FHIT: variants seen among roughly 807,000 people sequenced by gnomAD.
The protein encoded by FHIT is fragile histidine triad diadenosine triphosphatase.
In FHIT, 19 loss-of-function variants were observed where a neutral mutation model predicts 17.9. The observed-to-expected ratio is 1.06, with a 90% CI of 0.74 to 1.56. The LOEUF (loss-of-function observed/expected upper bound fraction) is 1.56. Ranked by LOEUF, FHIT falls within the 40% of genes most tolerant of loss-of-function variation. The probability of loss-of-function intolerance (pLI) is 0.00; values close to 1 mark genes in which losing one functional copy is unlikely to be tolerated. For missense variants in FHIT, 248 were observed against 189.2 expected (o/e 1.31, Z -1.82); for synonymous variants, 81 against 69.7 (o/e 1.16, Z -0.81).
chr3:60,799,365 G>A (rs1256756465), intron 4 of FHIT, among the ~76,000 whole-genome samples: 1 of 152,108 alleles, frequency 6.6e-6, no homozygotes, highest in Non-Finnish European at 1.5e-5. Flanking sequence ...GTAGAGACAG[G>A]GTTTCTCCAT....
intron 5 of FHIT, among the ~76,000 whole-genome samples, chr3:60,357,328 C>T (rs1699713599): frequency 6.6e-6 from 1 of 152,128 alleles, no homozygotes; most frequent in Non-Finnish European, 1.5e-5. Context: ...ATTCTCCTGC[C>T]TCGGCCTCTT....
chr3:60,923,216 CA>C (rs1707378046), intron 3 of FHIT, among the ~76,000 whole-genome samples: 1 of 152,198 alleles, frequency 6.6e-6, no homozygotes, highest in Admixed American at 6.5e-5. Context: ...AGTTTCTCCA[CA>C]AACGTTTAGG....
At chr3:60,419,776 T>G (rs1434105883) in intron 5 of FHIT, among the ~76,000 whole-genome samples, 1 of 152,210 alleles carries the variant, frequency 6.6e-6, no homozygotes. Context: ...TGCTATTTAC[T>G]AGCTGGAATC....
At chr3:61,069,214 G>A (rs2034717361) in intron 2 of FHIT, among the ~76,000 whole-genome samples, 1 of 152,144 alleles carries the variant, frequency 6.6e-6, no homozygotes, top group African/African-American at 2.4e-5. Flanking sequence ...CACATATAAT[G>A]GAATTGGGCT....
At chr3:60,672,542 G>C (rs2040530467) in intron 4 of FHIT, among the ~76,000 whole-genome samples, 2 of 152,308 alleles carry the variant, frequency 1.3e-5, no homozygotes, top group South Asian at 2.1e-4. Flanking sequence ...GTTAAGGTGA[G>C]GCAGGGCATA....
chr3:59,968,273 C>T (rs1708020831), intron 7 of FHIT, among the ~76,000 whole-genome samples: 1 of 152,016 alleles, frequency 6.6e-6, no homozygotes, highest in Admixed American at 6.6e-5. Flanking sequence ...TGAAATCATA[C>T]AGTTTCGATA....
At chr3:60,943,431 T>C (rs575875708) in intron 3 of FHIT, among the ~76,000 whole-genome samples, 2 of 152,156 alleles carry the variant, frequency 1.3e-5, no homozygotes, top group Non-Finnish European at 2.9e-5. Flanking sequence ...CAGCTTTCAT[T>C]TGAATGATAT....
chr3:60,832,693 A>T (rs1201310886), intron 3 of FHIT, among the ~76,000 whole-genome samples: 1 of 152,098 alleles, frequency 6.6e-6, no homozygotes, highest in African/African-American at 2.4e-5. Context: ...TTCATAAAAA[A>T]AAAAAAAAGC....
chr3:61,068,496 T>A (rs1387843241), intron 2 of FHIT, among the ~76,000 whole-genome samples: 1 of 152,170 alleles, frequency 6.6e-6, no homozygotes, highest in Non-Finnish European at 1.5e-5. Context: ...CTGAAAAGGT[T>A]CTCTGATTTT....
intron 8 of FHIT, among the ~76,000 whole-genome samples, chr3:59,808,556 C>T (rs1035840147): frequency 2.6e-5 from 4 of 152,182 alleles, no homozygotes; most frequent in African/African-American, 9.6e-5. Flanking sequence ...CTCCCACCTC[C>T]GGGTCTGTTG....
intron 5 of FHIT, among the ~76,000 whole-genome samples, chr3:60,431,642 T>G (rs902620151): frequency 6.6e-6 from 1 of 152,122 alleles, no homozygotes; most frequent in Non-Finnish European, 1.5e-5. Flanking sequence ...CGGCTACACA[T>G]GCAGTAAATG....
At chr3:60,523,690 C>T (rs976759437) in intron 5 of FHIT, among the ~76,000 whole-genome samples, 1 of 152,192 alleles carries the variant, frequency 6.6e-6, no homozygotes, top group Non-Finnish European at 1.5e-5. Flanking sequence ...GACGAGTTAT[C>T]AAACCCTTCT....
At chr3:59,896,335 G>T (rs1704068877) in intron 8 of FHIT, among the ~76,000 whole-genome samples, 1 of 152,146 alleles carries the variant, frequency 6.6e-6, no homozygotes, top group Non-Finnish European at 1.5e-5. Flanking sequence ...AGAGAAAAAA[G>T]AACTCATCTA....
At chr3:60,122,630 T>A (rs4234290) in intron 5 of FHIT, among the ~76,000 whole-genome samples, 2 of 152,138 alleles carry the variant, frequency 1.3e-5, no homozygotes, top group Middle Eastern at 3.4e-3. Context: ...GAAGGACAGA[T>A]AGACACTCAG....
intron 4 of FHIT, among the ~76,000 whole-genome samples, chr3:60,783,166 A>C (rs1314327101): frequency 2.0e-5 from 3 of 151,326 alleles, no homozygotes; most frequent in Admixed American, 2.0e-4. Flanking sequence ...TTTTTTTTGT[A>C]GAAACAGTTT....
rs372009225 is a variant in FHIT, at chr3:60,700,354, C to T, written c.-18+121565G>A. 1.4e-4 allele frequency among the ~76,000 whole-genome samples: 21 copies of T among 152,258 alleles called. 1 individual carries two copies. Among genetic ancestry groups the T allele is most frequent in the South Asian group, 6.2e-4 (3 of 4,820 alleles). On this transcript the variant is annotated intron_variant, in intron 4 of 9. Coordinates refer to ENST00000492590, the MANE Select transcript of FHIT (RefSeq NM_002012.4). ...GTCATTCTTTGCTTTCTAATTCCAA[C>T]GGTCTCATATCGTTCCAATTAGTCA...
At chr3:60,338,853 A>G (rs1710372581) in intron 5 of FHIT, among the ~76,000 whole-genome samples, 1 of 152,172 alleles carries the variant, frequency 6.6e-6, no homozygotes, top group Non-Finnish European at 1.5e-5. Flanking sequence ...AGAATTAAAG[A>G]GAAAAGAGGC....
intron 7 of FHIT, 97 bp downstream of exon 7, chr3:60,011,274 A>G: frequency 8.7e-7 from 1 of 1,155,008 alleles, no homozygotes; most frequent in East Asian, 2.4e-5. Flanking sequence ...AAGATAACAT[A>G]ATGAAACAGC....
chr3:60,357,584 A>C (rs1699726976), intron 5 of FHIT, among the ~76,000 whole-genome samples: 2 of 152,092 alleles, frequency 1.3e-5, no homozygotes, highest in Non-Finnish European at 2.9e-5. Flanking sequence ...TTAAATGATG[A>C]TTTCTTGACA....
Sources: allele counts gnomAD v4.1 joint callset (sites outside exome capture counted in the v4.1 genomes callset), GRCh38; gene constraint gnomAD v4.1.1; transcripts MANE v1.5; gene names NCBI Gene and HGNC (gene_info 2026-07-23, HGNC 2026-07-21).